The following LRRTM3 variants were observed in gnomAD, a reference collection of about 807,000 sequenced individuals.
The protein encoded by LRRTM3 is leucine-rich repeat transmembrane neuronal protein 3.
A neutral mutation model predicts 44.7 loss-of-function variants in LRRTM3; 24 were observed. That is an observed-to-expected ratio of 0.54 (90% confidence interval 0.39 to 0.76). The LOEUF (loss-of-function observed/expected upper bound fraction) is 0.76. LRRTM3 is among the 30% of genes least tolerant of loss of function. LRRTM3 has a pLI of 0.00. For missense variants in LRRTM3, 587 were observed against 702.2 expected (o/e 0.84, Z 1.85); for synonymous variants, 277 against 278.7 (o/e 0.99, Z 0.06).
In LRRTM3 at chr10:67,098,020, A is replaced by G. The variant is rs1023182449; in HGVS notation, c.*224A>G. On this transcript the variant is annotated 3_prime_UTR_variant, in exon 3 of 3. Transcript: ENST00000361320. ...TTGTGCAGTATTTTTTGACTTAAACAGAGTATGACCCTGAAAAATAAAAGA... is the reference window on the plus strand; with the variant it reads ...TTGTGCAGTATTTTTTGACTTAAACGGAGTATGACCCTGAAAAATAAAAGA... The G allele has an allele frequency of 1.1e-5, 6 of 550,800 alleles. No homozygotes were observed. Among genetic ancestry groups the G allele is most frequent in the Non-Finnish European group, 3.2e-6 (1 of 309,286 alleles). 34.1% of individuals were successfully genotyped at this position (550,800 alleles called of 1,614,324 possible). A position where few individuals can be genotyped will look rare whatever the true frequency, so the allele number is the denominator to read the frequency against.
At chr10:67,026,085 A>G (rs1205575529) in intron 2 of LRRTM3, among the ~76,000 whole-genome samples, 1 of 143,490 alleles carries the variant, frequency 7.0e-6, no homozygotes, top group Non-Finnish European at 1.5e-5. Flanking sequence ...AGGAAGGGGA[A>G]CATCACACTC....
intron 2 of LRRTM3, among the ~76,000 whole-genome samples, chr10:66,951,147 T>C (rs7070898): frequency 4.5e-4 from 68 of 151,884 alleles, no homozygotes; most frequent in African/African-American, 1.6e-3. Context: ...AGACAGAGTC[T>C]TGCTCTGTCA....
chr10:67,046,254 C>A (rs1854736412), intron 2 of LRRTM3, among the ~76,000 whole-genome samples: 1 of 152,180 alleles, frequency 6.6e-6, no homozygotes, highest in Non-Finnish European at 1.5e-5. Flanking sequence ...GCCCTATTTT[C>A]TCCTTAATTT....
chr10:67,007,524 T>G (rs561676170), intron 2 of LRRTM3, among the ~76,000 whole-genome samples: 2 of 152,166 alleles, frequency 1.3e-5, no homozygotes, highest in African/African-American at 4.8e-5. Context: ...CAACTGCCAC[T>G]GAAACTTTAA....
At chr10:66,969,679 A>C (rs1174997520) in intron 2 of LRRTM3, among the ~76,000 whole-genome samples, 3 of 152,156 alleles carry the variant, frequency 2.0e-5, no homozygotes, top group African/African-American at 7.2e-5. Context: ...GATCTCTTTT[A>C]CAATTTGATA....
At chr10:66,989,328 A>G (rs945445124) in intron 2 of LRRTM3, among the ~76,000 whole-genome samples, 7 of 152,190 alleles carry the variant, frequency 4.6e-5, no homozygotes, top group African/African-American at 1.4e-4. Flanking sequence ...TTATTCCCTA[A>G]AAGTCCACAG....
intron 2 of LRRTM3, among the ~76,000 whole-genome samples, chr10:66,967,145 T>C (rs946376053): frequency 6.6e-6 from 1 of 151,872 alleles, no homozygotes; most frequent in Non-Finnish European, 1.5e-5. Flanking sequence ...TAGCAAAAAA[T>C]AGACTATTTT....
chr10:67,043,018 A>T (rs1013765002), intron 2 of LRRTM3, among the ~76,000 whole-genome samples: 1 of 152,146 alleles, frequency 6.6e-6, no homozygotes, highest in African/African-American at 2.4e-5. Flanking sequence ...TACAAAAGCA[A>T]AGTGGAAGAA....
intron 2 of LRRTM3, among the ~76,000 whole-genome samples, chr10:67,027,787 T>C (rs1214777522): frequency 6.6e-6 from 1 of 152,184 alleles, no homozygotes; most frequent in Non-Finnish European, 1.5e-5. Context: ...ATATAATATG[T>C]CCACCAGAGT....
chr10:67,097,542 G>C, intron 2 of LRRTM3, 45 bp from the exon 3 acceptor site: 1 of 1,542,428 alleles, frequency 6.5e-7, no homozygotes, highest in Non-Finnish European at 8.9e-7. Flanking sequence ...CCCTAAAGTT[G>C]TCCATATTTT....
intron 2 of LRRTM3, among the ~76,000 whole-genome samples, chr10:67,028,517 G>A (rs1853524885): frequency 6.6e-6 from 1 of 151,888 alleles, no homozygotes; most frequent in African/African-American, 2.4e-5. Context: ...AAAGACTTTA[G>A]GCAAATAGTC....
intron 2 of LRRTM3, among the ~76,000 whole-genome samples, chr10:67,079,166 G>C (rs1856902319): frequency 6.6e-6 from 1 of 152,166 alleles, no homozygotes; most frequent in South Asian, 2.1e-4. Context: ...CTGATGTTCT[G>C]CTGGCTGTAT....
chr10:67,053,374 T>A (rs1007998327), intron 2 of LRRTM3, among the ~76,000 whole-genome samples: 2 of 152,210 alleles, frequency 1.3e-5, no homozygotes, highest in Non-Finnish European at 2.9e-5. Context: ...GGAATTTTTT[T>A]AAGAGTATCT....
intron 2 of LRRTM3, among the ~76,000 whole-genome samples, chr10:67,010,889 T>C (rs1852282335): frequency 6.6e-6 from 1 of 152,160 alleles, no homozygotes; most frequent in Non-Finnish European, 1.5e-5. Flanking sequence ...ATGGTTAACA[T>C]TATTTCTTCT....
chr10:67,097,561 A>G, intron 2 of LRRTM3, 26 bp from the exon 3 acceptor site: 1 of 1,599,640 alleles, frequency 6.3e-7, no homozygotes, highest in South Asian at 1.1e-5. Flanking sequence ...TTTATAACTG[A>G]CTTTTCTCAT....
At chr10:67,017,444 C>T (rs1852725866) in intron 2 of LRRTM3, among the ~76,000 whole-genome samples, 1 of 152,184 alleles carries the variant, frequency 6.6e-6, no homozygotes, top group African/African-American at 2.4e-5. Context: ...AAGAAATCTA[C>T]TCTGTGAGCC....
intron 2 of LRRTM3, among the ~76,000 whole-genome samples, chr10:66,952,207 G>T (rs1848571432): frequency 1.3e-5 from 2 of 152,158 alleles, no homozygotes; most frequent in African/African-American, 2.4e-5. Flanking sequence ...AAAAGTCTTT[G>T]CTAAGATCCA....
At chr10:67,096,001 TA>T (rs369346784) in intron 2 of LRRTM3, among the ~76,000 whole-genome samples, 2 of 151,888 alleles carry the variant, frequency 1.3e-5, no homozygotes, top group African/African-American at 4.8e-5. Flanking sequence ...GACCATTTTT[TA>T]AAGTATGTGA....
At position 66,928,062 on chromosome 10, in the gene LRRTM3, C is replaced by T; in HGVS notation, c.1146C>T (p.Pro382=). 2 of 1,614,084 alleles carry T rather than the reference C, an allele frequency of 1.2e-6. No individual in the cohort carries two copies. The highest frequency in any genetic ancestry group is 2.2e-5 in the South Asian group (2 of 91,088). Residue 382 remains proline (P), a synonymous_variant, in exon 2 of 3, where the codon CCC becomes CCT. Coordinates refer to ENST00000361320, the MANE Select transcript of LRRTM3 (RefSeq NM_178011.5). ...CTCTCCCAAAGCCGACGTTTAAGCC[C>T]AAGCTCCCCAGGCCGAAGCATGAGA... ...ARALPKPTFK[P]KLPRPKHESK...
Sources: gnomAD v4.1 joint callset for allele counts (sites outside exome capture counted in the v4.1 genomes callset) on GRCh38, gnomAD v4.1.1 for gene constraint, MANE v1.5 for transcripts, NCBI Gene and HGNC (gene_info 2026-07-23, HGNC 2026-07-21) for gene names.